Variants in ZEB2 observed in about 807,000 individuals in gnomAD.
The protein encoded by ZEB2 is zinc finger E-box-binding homeobox 2.
In ZEB2, 6 loss-of-function variants were observed where a neutral mutation model predicts 99.9. That is an observed-to-expected ratio of 0.06 (90% CI 0.03 to 0.12). The LOEUF is 0.12. Ranked by LOEUF, ZEB2 falls within the 10% of genes least tolerant of loss-of-function variation. The pLI is 1.00. For synonymous variants in ZEB2, 517 were observed against 542.5 expected (o/e 0.95, Z 0.65); for missense variants, 969 against 1,502.8 (o/e 0.64, Z 5.87).
At chr2:144,458,746 T>C (rs1704154546) in intron 2 of ZEB2, among the ~76,000 whole-genome samples, 2 of 152,176 alleles carry the variant, frequency 1.3e-5, no homozygotes, top group Non-Finnish European at 2.9e-5. Context: ...ATGAAGCAAT[T>C]TTAGCCTTTA....
rs1408659659 is a variant in ZEB2 at position 144,398,413 on chromosome 2, C to T, written c.2774G>A (p.Gly925Glu). The change falls in exon 8 of 10, where the codon GGA becomes GAA. Residue 925 changes from glycine to glutamate, a missense_variant. Gly to Glu is a moderately conservative substitution (Grantham distance 98, BLOSUM62 -2). Around this residue, in one of 8 missense-constraint regions of ZEB2, gnomAD observed 346 missense variants for 460.0 expected, o/e 0.75. Transcript: ENST00000627532. Reference sequence around the variant, plus strand: ...TGGTAGGAAGCTCATCTGATCCAGTCCTGGGTATGGTCGTAGCCCAGGAAT... The same window carrying T: ...TGGTAGGAAGCTCATCTGATCCAGTTCTGGGTATGGTCGTAGCCCAGGAAT... ...TSIPGLRPYP[G>E]LDQMSFLPHM... 26 of 1,613,948 alleles carry T rather than the reference C, an allele frequency of 1.6e-5. No homozygotes were observed. The highest frequency in any genetic ancestry group is 8.3e-5 in the Admixed American group (5 of 59,992).
rs1560606965 is a variant in ZEB2 at position 144,399,601 on chromosome 2, G to A, written c.1586C>T (p.Thr529Met). The change falls in exon 8 of 10, where the codon ACG becomes ATG. Residue 529 changes from threonine (T) to methionine (M), a missense_variant. Transcript: ENST00000627532. This position sits in a 1 kb window ranked among gnomAD's most constrained non-coding sequence, Gnocchi z 5.6. The stretch of plus-strand genomic sequence containing the variant: ...TTTGGCTTCATTGACTTTTTCCAAC[G>A]TATAGTCAATAATACTTTTAGTGGC... The part of the protein sequence containing the change: ...NGATKSIIDY[T>M]LEKVNEAKAC... 3 of 1,614,100 alleles carry A rather than the reference G, an allele frequency of 1.9e-6. No individual in the cohort carries two copies. The highest frequency in any genetic ancestry group is 2.5e-6 in the Non-Finnish European group (3 of 1,180,012).
intron 2 of ZEB2, chr2:144,445,219 C>T (rs1378856125): frequency 6.7e-6 from 1 of 150,100 alleles, no homozygotes; most frequent in East Asian, 1.9e-4. Context: ...GAATGTATTT[C>T]TCCTCTGGGT....
intron 9 of ZEB2, among the ~76,000 whole-genome samples, chr2:144,391,302 A>G (rs1203857134): frequency 3.3e-5 from 5 of 152,266 alleles, no homozygotes; most frequent in Non-Finnish European, 5.9e-5. Flanking sequence ...TGGAATGTCC[A>G]CTAGAAATTT....
chr2:144,386,648 A>C lies in ZEB2; in HGVS notation c.*2803T>G, dbSNP rs1179011417. On this transcript the variant is annotated 3_prime_UTR_variant, in exon 10 of 10. Coordinates refer to ENST00000627532, the MANE Select transcript of ZEB2 (RefSeq NM_014795.4). ...GGTCCTATCTCTTGTGGATTGGGAC[A>C]CAGATATGCCCCATGGGCAACAGAG... 1.3e-5 allele frequency: 2 copies of C among 152,182 alleles called. No individual in the cohort carries two copies. The highest frequency in any genetic ancestry group is 4.8e-5 in the African/African-American group (2 of 41,434). 9.4% of individuals were successfully genotyped at this position (152,182 alleles called of 1,614,324 possible).
intron 2 of ZEB2, among the ~76,000 whole-genome samples, chr2:144,497,993 T>A (rs866127785): frequency 0.027 from 58 of 2,160 alleles, 13 homozygotes; most frequent in East Asian, 0.056. Flanking sequence ...TATATTAATA[T>A]TATATATTAT....
chr2:144,398,648 T>G lies in ZEB2; in HGVS notation c.2539A>C (p.Asn847His). 1 of 1,614,138 alleles carries G rather than the reference T, an allele frequency of 6.2e-7. No homozygotes were observed. Among genetic ancestry groups the G allele is most frequent in the Non-Finnish European group, 8.5e-7 (1 of 1,180,010 alleles). Residue 847 changes from asparagine to histidine, a missense_variant, in exon 8 of 10, where the codon AAC (asparagine) becomes CAC (histidine). This residue lies in a region of ZEB2 where 346 missense variants were observed against 460.0 expected (regional missense o/e 0.75). Transcript: ENST00000627532. The stretch of plus-strand genomic sequence containing the variant: ...TTTTCAGATGAGGAAGAAACACTGT[T>G]ATGATCTAAACTGATGCTACTAGCT... ...TKASSISLDHNSVSSSSENSD... is the reference protein window; with the variant it reads ...TKASSISLDHHSVSSSSENSD...
chr2:144,394,042 C>A (rs1035506057), intron 9 of ZEB2, among the ~76,000 whole-genome samples: 1 of 152,160 alleles, frequency 6.6e-6, no homozygotes, highest in African/African-American at 2.4e-5. Context: ...CTGCCTTAGC[C>A]TCCCAAGTAG....
intron 2 of ZEB2, among the ~76,000 whole-genome samples, chr2:144,449,344 T>C (rs1447091306): frequency 1.3e-5 from 2 of 152,140 alleles, no homozygotes; most frequent in Non-Finnish European, 2.9e-5. Flanking sequence ...CTCATTACCA[T>C]TCTAATTTTT....
chr2:144,517,259 G>C lies in ZEB2; in HGVS notation c.73+19C>G. On this transcript the variant is annotated intron_variant, in intron 2 of 9. Coordinates refer to ENST00000627532, the MANE Select transcript of ZEB2 (RefSeq NM_014795.4). ...GCCGCGTAGTGGCCCGGAAAAGTTTGGTTCGGGCTGCTTCTTACCGTTTTT... is the reference window on the plus strand; with the variant it reads ...GCCGCGTAGTGGCCCGGAAAAGTTTCGTTCGGGCTGCTTCTTACCGTTTTT... The C allele has an allele frequency of 6.2e-7, 1 of 1,613,288 alleles. No homozygotes were observed. The highest frequency in any genetic ancestry group is 1.3e-5 in the African/African-American group (1 of 74,998).
chr2:144,432,650 T>C (rs1470811666), intron 2 of ZEB2, among the ~76,000 whole-genome samples: 1 of 152,146 alleles, frequency 6.6e-6, no homozygotes, highest in Non-Finnish European at 1.5e-5. Flanking sequence ...CTAGTACAAG[T>C]ACTGTGGAAA....
chr2:144,483,895 A>G (rs1362019547), intron 2 of ZEB2, among the ~76,000 whole-genome samples: 2 of 152,208 alleles, frequency 1.3e-5, no homozygotes. Context: ...TGCTGATTGT[A>G]TAAACAAATA....
In ZEB2 at chr2:144,399,277, G is replaced by A. The variant is rs1015026440; in HGVS notation, c.1910C>T (p.Ser637Leu). Residue 637 changes from serine (S) to leucine (L), a missense_variant, in exon 8 of 10, where the codon TCA becomes TTA. Coordinates refer to ENST00000627532, the MANE Select transcript of ZEB2 (RefSeq NM_014795.4). The surrounding 1 kb of genome is among the most constrained non-coding windows in gnomAD (Gnocchi z 5.6). ...CATTCCTTTCTCAGAAAGTACAGATGACAAGAGGAGGGCTTTATTATCAAC... is the reference window on the plus strand; with the variant it reads ...CATTCCTTTCTCAGAAAGTACAGATAACAAGAGGAGGGCTTTATTATCAAC... The part of the protein sequence containing the change: ...VFVDNKALLL[S>L]SVLSEKGMTS... 1.2e-6 allele frequency: 2 copies of A among 1,614,128 alleles called. No homozygotes were observed. The highest frequency in any genetic ancestry group is 1.7e-6 in the Non-Finnish European group (2 of 1,180,024).
chr2:144,492,887 C>T (rs1002031186), intron 2 of ZEB2, among the ~76,000 whole-genome samples: 1 of 152,106 alleles, frequency 6.6e-6, no homozygotes, highest in Non-Finnish European at 1.5e-5. Context: ...TATACCTTTG[C>T]TTTAACGAAA....
chr2:144,457,211 G>A (rs529128199), intron 2 of ZEB2, among the ~76,000 whole-genome samples: 5 of 152,236 alleles, frequency 3.3e-5, no homozygotes, highest in Admixed American at 1.3e-4. Context: ...AGCAGAGCCC[G>A]TTAATAGACA....
chr2:144,431,231 T>C (rs1703765958), intron 2 of ZEB2, among the ~76,000 whole-genome samples: 1 of 152,184 alleles, frequency 6.6e-6, no homozygotes, highest in Admixed American at 6.5e-5. Context: ...TATCGGATTA[T>C]ACAAAAGTGG....
intron 7 of ZEB2, 63 bp downstream of exon 7, chr2:144,401,136 T>A: frequency 6.9e-7 from 1 of 1,452,554 alleles, no homozygotes; most frequent in Non-Finnish European, 9.7e-7. Flanking sequence ...TTTTAAACAA[T>A]CTTTTAAAAC....
chr2:144,392,106 A>C (rs1703161474), intron 9 of ZEB2, among the ~76,000 whole-genome samples: 1 of 152,238 alleles, frequency 6.6e-6, no homozygotes, highest in East Asian at 1.9e-4. Context: ...AGTACATGGA[A>C]GTAATAAATC....
chr2:144,419,433 T>C (rs892797359), intron 4 of ZEB2, among the ~76,000 whole-genome samples: 2 of 152,170 alleles, frequency 1.3e-5, no homozygotes, highest in Non-Finnish European at 2.9e-5. Context: ...CCTTTATAAC[T>C]AGAGGTACTA....
Sources: gnomAD v4.1 joint callset for allele counts (sites outside exome capture counted in the v4.1 genomes callset) on GRCh38, gnomAD v4.1.1 for gene constraint, gnomAD v4.1.1 regional missense constraint, Gnocchi (gnomAD v3.1) non-coding constraint, MANE v1.5 for transcripts, NCBI Gene and HGNC (gene_info 2026-07-23, HGNC 2026-07-21) for gene names.